Variants in CLNK observed in about 807,000 individuals in gnomAD.
CLNK encodes the protein cytokine-dependent hematopoietic cell linker.
CLNK carries 74 observed loss-of-function variants against 68.6 expected under a neutral mutation model. The observed-to-expected ratio is 1.08, with a 90% CI of 0.89 to 1.31. The LOEUF (loss-of-function observed/expected upper bound fraction) is 1.31, where lower values mean the gene tolerates loss of function less well. CLNK is among the 50% of genes most tolerant of loss of function. The pLI is 0.00. For missense variants in CLNK, 553 were observed against 515.3 expected, an observed-to-expected ratio of 1.07 and a Z score of -0.71; for synonymous variants, 198 against 172.2, an observed-to-expected ratio of 1.15 and a Z score of -1.17.
intron 16 of CLNK, among the ~76,000 whole-genome samples, chr4:10,510,403 T>A (rs1004277745): frequency 1.3e-5 from 2 of 152,236 alleles, no homozygotes; most frequent in Non-Finnish European, 2.9e-5. Flanking sequence ...GATGGGATCC[T>A]GCTACAATTT....
At chr4:10,596,011 T>G (rs1024318429) in intron 3 of CLNK, among the ~76,000 whole-genome samples, 1 of 152,194 alleles carries the variant, frequency 6.6e-6, no homozygotes, top group Non-Finnish European at 1.5e-5. Flanking sequence ...CATGAGAGTC[T>G]ACTTTTTCAA....
intron 2 of CLNK, among the ~76,000 whole-genome samples, chr4:10,610,768 A>C (rs967130080): frequency 7.2e-6 from 1 of 139,136 alleles, no homozygotes; most frequent in Admixed American, 7.7e-5. Flanking sequence ...AACATAAAAA[A>C]GCAACACACA....
chr4:10,576,136 G>C (rs1176153370), intron 4 of CLNK, among the ~76,000 whole-genome samples: 1 of 152,172 alleles, frequency 6.6e-6, no homozygotes, highest in Non-Finnish European at 1.5e-5. Context: ...TCAGAACCGG[G>C]AAGCAGCGAT....
chr4:10,644,453 G>A (rs544884297), intron 2 of CLNK, among the ~76,000 whole-genome samples: 1 of 152,132 alleles, frequency 6.6e-6, no homozygotes, highest in Admixed American at 6.5e-5. Flanking sequence ...TTTTATAGAT[G>A]AGAAAAGTGA....
At chr4:10,646,726 T>G (rs1343716248) in intron 2 of CLNK, among the ~76,000 whole-genome samples, 2 of 152,100 alleles carry the variant, frequency 1.3e-5, no homozygotes, top group Admixed American at 6.5e-5. Flanking sequence ...AACATAATCA[T>G]GGGTAAATGT....
chr4:10,575,910 CT>C (rs1016804098), intron 4 of CLNK, among the ~76,000 whole-genome samples: 3 of 151,760 alleles, frequency 2.0e-5, no homozygotes, highest in Non-Finnish European at 2.9e-5. Flanking sequence ...CTGATTAAGA[CT>C]TTTTTTTTAT....
intron 2 of CLNK, among the ~76,000 whole-genome samples, chr4:10,637,585 T>TTG (rs1365655464): frequency 4.3e-5 from 2 of 46,982 alleles, no homozygotes; most frequent in Admixed American, 3.5e-4. Context: ...CCATTCCTCT[T>TTG]TTTTTTTTTT....
intron 2 of CLNK, among the ~76,000 whole-genome samples, chr4:10,623,688 T>A (rs1309235901): frequency 6.6e-6 from 1 of 152,194 alleles, no homozygotes; most frequent in African/African-American, 2.4e-5. Context: ...ACCACACAGG[T>A]GATAAAATAC....
In CLNK at chr4:10,564,656, C is replaced by A. The variant is rs1379847056; in HGVS notation, c.399+15G>T. ...CCTACACATGTTTGTGTCACAATGT[C>A]CAGTCTTTACTCACTCTTTCCAACC... On this transcript the variant is annotated intron_variant, in intron 7 of 18. Transcript: ENST00000226951. 3 of 1,555,550 alleles carry A rather than the reference C, an allele frequency of 1.9e-6. No homozygotes were observed. The highest frequency in any genetic ancestry group is 2.7e-6 in the Non-Finnish European group (3 of 1,127,020).
chr4:10,707,918 G>A, the CLNK span, among the ~76,000 whole-genome samples: 1 of 152,224 alleles, frequency 6.6e-6, no homozygotes, highest in Non-Finnish European at 1.5e-5. Flanking sequence ...GGAGGAAAGT[G>A]CAGAGGATGT....
At chr4:10,655,370 G>GAGAGAGAGAGAT (rs1723935115) in intron 2 of CLNK, among the ~76,000 whole-genome samples, 2 of 151,120 alleles carry the variant, frequency 1.3e-5, no homozygotes, top group African/African-American at 4.9e-5. Flanking sequence ...GAGAGAGAGA[G>GAGAGAGAGAGAT]AGAGAAAGCG....
At chr4:10,564,347 A>G (rs906236492) in intron 7 of CLNK, among the ~76,000 whole-genome samples, 22 of 152,196 alleles carry the variant, frequency 1.4e-4, no homozygotes, top group African/African-American at 5.3e-4. Context: ...TTATATTATG[A>G]TCAGAAAGAT....
intron 2 of CLNK, among the ~76,000 whole-genome samples, chr4:10,658,736 G>A (rs776566820): frequency 1.8e-4 from 28 of 152,152 alleles, no homozygotes; most frequent in Non-Finnish European, 3.2e-4. Flanking sequence ...GACTATGCAC[G>A]GACCCGACAC....
intron 4 of CLNK, among the ~76,000 whole-genome samples, chr4:10,574,155 C>A (rs891709597): frequency 2.0e-5 from 3 of 152,182 alleles, no homozygotes; most frequent in Admixed American, 2.0e-4. Flanking sequence ...GATCCTAACA[C>A]CGTGCATCAG....
At chr4:10,635,671 C>T (rs185815582) in intron 2 of CLNK, 118 of 152,254 alleles carry the variant, frequency 7.8e-4, no homozygotes, top group African/African-American at 2.7e-3. Context: ...TCTAGACTAT[C>T]TCAGTTTTCT....
chr4:10,583,787 C>T (rs1720873561), intron 4 of CLNK, among the ~76,000 whole-genome samples: 1 of 152,212 alleles, frequency 6.6e-6, no homozygotes, highest in Non-Finnish European at 1.5e-5. Flanking sequence ...CTGCCCATTT[C>T]TCTGTGCCTT....
At chr4:10,726,788 T>G in the CLNK span, among the ~76,000 whole-genome samples, 1 of 152,134 alleles carries the variant, frequency 6.6e-6, no homozygotes, top group African/African-American at 2.4e-5. Flanking sequence ...AACCACATGG[T>G]TTAGAATCCC....
intron 18 of CLNK, among the ~76,000 whole-genome samples, chr4:10,491,722 G>C (rs935577575): frequency 1.3e-5 from 2 of 152,136 alleles, no homozygotes; most frequent in African/African-American, 2.4e-5. Context: ...GAATGTACAG[G>C]ACCATGCATA....
At chr4:10,599,153 C>A (rs988264272) in intron 2 of CLNK, among the ~76,000 whole-genome samples, 1 of 152,228 alleles carries the variant, frequency 6.6e-6, no homozygotes, top group Non-Finnish European at 1.5e-5. Flanking sequence ...GAACTTCCAT[C>A]TCCACTAGAG....
Sources: allele counts gnomAD v4.1 joint callset (sites outside exome capture counted in the v4.1 genomes callset), GRCh38; gene constraint gnomAD v4.1.1; transcripts MANE v1.5; gene names NCBI Gene and HGNC (gene_info 2026-07-23, HGNC 2026-07-21).